Variants in PIGU observed in about 807,000 individuals in gnomAD.
PIGU encodes the protein GPI-anchor transamidase component PIGU.
PIGU carries 24 observed loss-of-function variants against 49.9 expected under a neutral mutation model. That is an observed-to-expected ratio of 0.48 (90% CI 0.35 to 0.68). PIGU has a LOEUF of 0.68. PIGU is among the 30% of genes least tolerant of loss of function. The pLI, the probability that PIGU is intolerant of heterozygous loss-of-function variation, is 0.01. For missense variants in PIGU, 490 were observed against 532.6 expected (o/e 0.92, Z 0.79); for synonymous variants, 220 against 205.7 (o/e 1.07, Z -0.59).
chr20:34,629,877 A>T (rs1316594590), intron 6 of PIGU, among the ~76,000 whole-genome samples: 1 of 152,240 alleles, frequency 6.6e-6, no homozygotes, highest in Non-Finnish European at 1.5e-5. Flanking sequence ...AATCACAAAG[A>T]AAATAAGGGG....
At chr20:34,673,009 C>T (rs1178900872) in intron 1 of PIGU, among the ~76,000 whole-genome samples, 5 of 152,052 alleles carry the variant, frequency 3.3e-5, no homozygotes, top group Non-Finnish European at 7.4e-5. Flanking sequence ...CATCCCAGCA[C>T]TTTGGAAGGC....
chr20:34,652,732 A>G (rs1444563001), intron 2 of PIGU, among the ~76,000 whole-genome samples: 1 of 152,116 alleles, frequency 6.6e-6, no homozygotes, highest in East Asian at 1.9e-4. Flanking sequence ...AATTAAGAAT[A>G]TGTTACTCAG....
chr20:34,603,787 A>G (rs1018786631), intron 7 of PIGU, among the ~76,000 whole-genome samples: 2 of 151,968 alleles, frequency 1.3e-5, no homozygotes, highest in African/African-American at 2.4e-5. Context: ...ATGGTATTTC[A>G]AGATCATAAT....
chr20:34,613,504 C>CT (rs1188324496), intron 7 of PIGU, among the ~76,000 whole-genome samples: 4 of 152,136 alleles, frequency 2.6e-5, no homozygotes, highest in Middle Eastern at 3.2e-3. Flanking sequence ...CCATTTTTAT[C>CT]TTCTTTTATT....
intron 11 of PIGU, among the ~76,000 whole-genome samples, chr20:34,566,016 TCA>T (rs368699893): frequency 4.9e-4 from 70 of 142,612 alleles, no homozygotes; most frequent in Middle Eastern, 4.6e-3. Flanking sequence ...ACACACATGC[TCA>T]CACACACAGA....
intron 7 of PIGU, among the ~76,000 whole-genome samples, chr20:34,598,571 CCAGGCCCAAAGCAGTTCA>C (rs1450233612): frequency 6.6e-6 from 1 of 152,190 alleles, no homozygotes; most frequent in African/African-American, 2.4e-5. Flanking sequence ...CCTTAGTGAG[CCAGGCCCAAAGCAGTTCA>C]CACAAACTAT....
In PIGU at chr20:34,590,675, G is replaced by GA. The variant is rs923929182; in HGVS notation, c.628-2069dup. Among the ~76,000 whole-genome samples the GA allele has an allele frequency of 5.2e-4, 79 of 151,254 alleles. 1 individual carries two copies. The highest frequency in any genetic ancestry group is 1.9e-3 in the African/African-American group (78 of 41,122). On this transcript the variant is annotated intron_variant, in intron 7 of 11. Transcript: ENST00000217446. ...AAAATAACATAAATCATGTTGTTAG[G>GA]AAAAAAATCAGTTATGCAGCTACAT...
At chr20:34,671,716 T>C (rs995904040) in intron 1 of PIGU, among the ~76,000 whole-genome samples, 1 of 151,922 alleles carries the variant, frequency 6.6e-6, no homozygotes, top group Non-Finnish European at 1.5e-5. Context: ...GATCAGGAGT[T>C]TGAGACCAGA....
intron 11 of PIGU, among the ~76,000 whole-genome samples, chr20:34,572,098 C>G (rs934000837): frequency 6.6e-6 from 1 of 152,174 alleles, no homozygotes; most frequent in Non-Finnish European, 1.5e-5. Flanking sequence ...AATCCCACCA[C>G]GTGGAATCTA....
intron 7 of PIGU, among the ~76,000 whole-genome samples, chr20:34,598,898 CA>C (rs1984302140): frequency 2.6e-5 from 4 of 152,124 alleles, no homozygotes; most frequent in Admixed American, 2.6e-4. Flanking sequence ...GGTGCAGTGA[CA>C]GGATCATAGT....
At chr20:34,617,066 T>C (rs911562975) in intron 6 of PIGU, among the ~76,000 whole-genome samples, 1 of 152,204 alleles carries the variant, frequency 6.6e-6, no homozygotes, top group Non-Finnish European at 1.5e-5. Flanking sequence ...GCTGAGATTG[T>C]ACCACAGCAC....
chr20:34,674,497 G>A (rs1367562127), intron 1 of PIGU, among the ~76,000 whole-genome samples: 2 of 152,164 alleles, frequency 1.3e-5, no homozygotes, highest in African/African-American at 4.8e-5. Context: ...CATCCTGTAA[G>A]TAACCTCCTG....
At chr20:34,593,469 A>G (rs1213827432) in intron 7 of PIGU, among the ~76,000 whole-genome samples, 1 of 152,240 alleles carries the variant, frequency 6.6e-6, no homozygotes, top group Non-Finnish European at 1.5e-5. Context: ...CTTATCAGAC[A>G]CTGAAATATA....
chr20:34,608,411 T>C (rs1984695379), intron 7 of PIGU, among the ~76,000 whole-genome samples: 1 of 152,212 alleles, frequency 6.6e-6, no homozygotes, highest in Non-Finnish European at 1.5e-5. Context: ...TATAATTACT[T>C]GTTGTCATTC....
intron 1 of PIGU, among the ~76,000 whole-genome samples, chr20:34,673,132 T>C (rs541091392): frequency 9.4e-4 from 143 of 151,336 alleles, no homozygotes; most frequent in African/African-American, 3.3e-3. Context: ...CGGGTGCCTG[T>C]AGTCCCAGCT....
chr20:34,671,668 C>G (rs1987309499), intron 1 of PIGU, among the ~76,000 whole-genome samples: 1 of 152,022 alleles, frequency 6.6e-6, no homozygotes, highest in Non-Finnish European at 1.5e-5. Flanking sequence ...CACCTGTAAT[C>G]CACCACTTTG....
intron 6 of PIGU, among the ~76,000 whole-genome samples, chr20:34,627,348 T>C (rs570449645): frequency 1.4e-4 from 22 of 152,262 alleles, no homozygotes; most frequent in African/African-American, 5.1e-4. Flanking sequence ...ATGTCAGACA[T>C]GATTCATATG....
intron 6 of PIGU, among the ~76,000 whole-genome samples, chr20:34,620,128 T>C (rs1257700648): frequency 6.6e-6 from 1 of 152,158 alleles, no homozygotes; most frequent in Non-Finnish European, 1.5e-5. Flanking sequence ...AGCCAGTCTT[T>C]AAAGACTTCT....
At chr20:34,676,026 A>T (rs1426921520) in intron 1 of PIGU, among the ~76,000 whole-genome samples, 1 of 71,900 alleles carries the variant, frequency 1.4e-5, no homozygotes, top group Non-Finnish European at 4.0e-5. Context: ...TACTTCAGTA[A>T]AAAAAAAAAA....
Sources: allele counts gnomAD v4.1 joint callset (sites outside exome capture counted in the v4.1 genomes callset), GRCh38; gene constraint gnomAD v4.1.1; transcripts MANE v1.5; gene names NCBI Gene and HGNC (gene_info 2026-07-23, HGNC 2026-07-21).